IL1RAP: variants seen among roughly 807,000 people sequenced by gnomAD.
IL1RAP encodes interleukin-1 receptor accessory protein.
In IL1RAP, 35 loss-of-function variants were observed where a neutral mutation model predicts 60.7. The ratio of observed to expected loss-of-function variants is 0.58; its 90% CI spans 0.44 to 0.76. The LOEUF is 0.76. IL1RAP is among the 30% of genes least tolerant of loss of function. The probability of loss-of-function intolerance (pLI) is 0.00; values close to 1 mark genes in which losing one functional copy is unlikely to be tolerated. For synonymous variants in IL1RAP, 268 were observed against 250.9 expected (o/e 1.07, Z -0.64); for missense variants, 572 against 693.9 (o/e 0.82, Z 1.97).
intron 4 of IL1RAP, among the ~76,000 whole-genome samples, chr3:190,605,857 T>C (rs1478088754): frequency 6.6e-6 from 1 of 152,160 alleles, no homozygotes; most frequent in Non-Finnish European, 1.5e-5. Flanking sequence ...AAAGTCACAT[T>C]CTAATGTACT....
intron 1 of IL1RAP, among the ~76,000 whole-genome samples, chr3:190,549,964 C>T (rs1325106528): frequency 6.6e-6 from 1 of 152,152 alleles, no homozygotes; most frequent in African/African-American, 2.4e-5. Flanking sequence ...CCCTGGTTCC[C>T]TTCTCTTCCT....
At chr3:190,550,733 T>C (rs1257715683) in intron 1 of IL1RAP, among the ~76,000 whole-genome samples, 1 of 152,250 alleles carries the variant, frequency 6.6e-6, no homozygotes, top group Non-Finnish European at 1.5e-5. Context: ...GATTGCTGGT[T>C]GGTTCACAGG....
chr3:190,655,720 C>A (rs920415494), downstream of IL1RAP, among the ~76,000 whole-genome samples: 1 of 152,044 alleles, frequency 6.6e-6, no homozygotes, highest in African/African-American at 2.4e-5. Context: ...TCTTAGCAAC[C>A]ATTGACAAGA....
intron 1 of IL1RAP, among the ~76,000 whole-genome samples, chr3:190,534,507 A>G (rs779982771): frequency 4.2e-4 from 64 of 152,272 alleles, no homozygotes; most frequent in Middle Eastern, 3.4e-3. Context: ...TTGGGCCGAG[A>G]TTTCCCATGT....
chr3:190,613,108 A>G (rs1161357401), intron 5 of IL1RAP, among the ~76,000 whole-genome samples: 1 of 152,182 alleles, frequency 6.6e-6, no homozygotes, highest in African/African-American at 2.4e-5. Context: ...AGTGACAAGG[A>G]GAAAATACTG....
At chr3:190,621,371 CTTCTG>C (rs1731764318) in intron 6 of IL1RAP, among the ~76,000 whole-genome samples, 1 of 152,120 alleles carries the variant, frequency 6.6e-6, no homozygotes, top group African/African-American at 2.4e-5. Flanking sequence ...GTCGTAATCA[CTTCTG>C]TTCTTTTTCT....
intron 4 of IL1RAP, among the ~76,000 whole-genome samples, chr3:190,606,367 G>A (rs752685574): frequency 6.6e-6 from 1 of 152,154 alleles, no homozygotes; most frequent in Non-Finnish European, 1.5e-5. Context: ...GAGAGCTGTG[G>A]TATCTACGTC....
At chr3:190,569,575 A>G (rs1726733951) in intron 3 of IL1RAP, among the ~76,000 whole-genome samples, 1 of 141,244 alleles carries the variant, frequency 7.1e-6, no homozygotes, top group Admixed American at 7.3e-5. Context: ...TCGGAAGCAG[A>G]TCTCTTCACT....
intron 2 of IL1RAP, among the ~76,000 whole-genome samples, chr3:190,562,578 G>A (rs962011256): frequency 1.3e-5 from 2 of 151,960 alleles, no homozygotes; most frequent in African/African-American, 4.8e-5. Flanking sequence ...GAGAGGCTTC[G>A]TAGCTGTATC....
intron 3 of IL1RAP, among the ~76,000 whole-genome samples, chr3:190,598,542 A>T (rs1273579279): frequency 6.6e-6 from 1 of 151,836 alleles, no homozygotes; most frequent in Non-Finnish European, 1.5e-5. Flanking sequence ...TATTATTTTA[A>T]TTAATTTGAA....
At chr3:190,616,623 A>T (rs562231437) in intron 5 of IL1RAP, among the ~76,000 whole-genome samples, 2 of 152,362 alleles carry the variant, frequency 1.3e-5, no homozygotes, top group Admixed American at 6.5e-5. Context: ...AAACTTCAGT[A>T]GATACTACTA....
intron 2 of IL1RAP, among the ~76,000 whole-genome samples, chr3:190,560,697 C>A (rs557727188): frequency 1.3e-5 from 2 of 152,068 alleles, no homozygotes; most frequent in Non-Finnish European, 2.9e-5. Context: ...CTGTCACCTG[C>A]GGGCTAGGTG....
chr3:190,650,864 C>T lies in IL1RAP; in HGVS notation c.*2159C>T, dbSNP rs538788996. The T allele has an allele frequency of 1.0e-6, 1 of 985,356 alleles. No homozygotes were observed. Among genetic ancestry groups the T allele is most frequent in the East Asian group, 1.1e-4 (1 of 8,820 alleles). The allele number at this position is 985,356 out of a possible 1,614,324, so 61.0% of individuals were successfully genotyped here. ...AGGCAAACAGGGAATAGTCTAGTCACCAAAGGACCATTCTCTTGCCAATGC... is the reference window on the plus strand; with the variant it reads ...AGGCAAACAGGGAATAGTCTAGTCATCAAAGGACCATTCTCTTGCCAATGC... On this transcript the variant is annotated 3_prime_UTR_variant, in exon 12 of 12. Transcript: ENST00000447382.
intron 5 of IL1RAP, among the ~76,000 whole-genome samples, chr3:190,619,857 C>G (rs1731616206): frequency 6.6e-6 from 1 of 152,026 alleles, no homozygotes; most frequent in African/African-American, 2.4e-5. Context: ...GACGGAGTGA[C>G]TGGAGTCCCA....
chr3:190,577,683 A>T (rs1727616553), intron 3 of IL1RAP, among the ~76,000 whole-genome samples: 1 of 152,082 alleles, frequency 6.6e-6, no homozygotes. Context: ...GGGGCATGCC[A>T]CCAGGCTCAG....
At chr3:190,529,436 C>T (rs1042424564) in intron 1 of IL1RAP, among the ~76,000 whole-genome samples, 32 of 152,116 alleles carry the variant, frequency 2.1e-4, no homozygotes, top group African/African-American at 7.5e-4. Context: ...GCCTGTAATC[C>T]CAGCACTTTG....
chr3:190,553,917 C>T (rs903584863), intron 1 of IL1RAP, among the ~76,000 whole-genome samples: 1 of 151,618 alleles, frequency 6.6e-6, no homozygotes, highest in South Asian at 2.1e-4. Flanking sequence ...AAAAATTAGC[C>T]GGGCGTAGTG....
At chr3:190,603,836 G>A (rs140201163) in intron 3 of IL1RAP, among the ~76,000 whole-genome samples, 4 of 152,134 alleles carry the variant, frequency 2.6e-5, no homozygotes, top group Non-Finnish European at 5.9e-5. Context: ...AAAAACACTT[G>A]ATGTCTTTCT....
chr3:190,523,659 GTCCCCAGC>G (rs1722270213), intron 1 of IL1RAP, among the ~76,000 whole-genome samples: 1 of 152,052 alleles, frequency 6.6e-6, no homozygotes, highest in Admixed American at 6.6e-5. Context: ...AAGGATAATG[GTCCCCAGC>G]TCTATCCATG....
Sources: gnomAD v4.1 joint callset for allele counts (sites outside exome capture counted in the v4.1 genomes callset) on GRCh38, gnomAD v4.1.1 for gene constraint, MANE v1.5 for transcripts, NCBI Gene and HGNC (gene_info 2026-07-23, HGNC 2026-07-21) for gene names.